FAM110B: variants seen among roughly 807,000 people sequenced by gnomAD.
FAM110B encodes family with sequence similarity 110 member B.
A neutral mutation model predicts 20.4 loss-of-function variants in FAM110B; 6 were observed. The observed-to-expected ratio is 0.29, with a 90% CI of 0.16 to 0.58. FAM110B has a LOEUF of 0.58. Ranked by LOEUF, FAM110B falls within the 20% of genes least tolerant of loss-of-function variation. The probability of loss-of-function intolerance (pLI) is 0.90; values close to 1 mark genes in which losing one functional copy is unlikely to be tolerated. For missense variants in FAM110B, 434 were observed against 498.2 expected, an observed-to-expected ratio of 0.87 and a Z score of 1.23; for synonymous variants, 226 against 214.1, an observed-to-expected ratio of 1.06 and a Z score of -0.49.
chr8:58,021,551 A>G (rs901501757), intron 1 of FAM110B, among the ~76,000 whole-genome samples: 4 of 152,120 alleles, frequency 2.6e-5, no homozygotes, highest in African/African-American at 9.7e-5. Context: ...TACTGTATCA[A>G]TGTTGTTAAA....
chr8:58,118,937 A>G (rs1478071338), intron 3 of FAM110B, among the ~76,000 whole-genome samples: 1 of 152,202 alleles, frequency 6.6e-6, no homozygotes, highest in Non-Finnish European at 1.5e-5. Context: ...TTGCCTACAG[A>G]CATTATTCTT....
intron 3 of FAM110B, among the ~76,000 whole-genome samples, chr8:58,123,626 C>G (rs1807420610): frequency 6.6e-6 from 1 of 152,044 alleles, no homozygotes; most frequent in South Asian, 2.1e-4. Context: ...GTGTATGATG[C>G]TATAATCTTT....
At chr8:58,087,588 C>G (rs949014671) in intron 3 of FAM110B, among the ~76,000 whole-genome samples, 4 of 152,144 alleles carry the variant, frequency 2.6e-5, no homozygotes, top group Non-Finnish European at 4.4e-5. Flanking sequence ...CTTGACCTCT[C>G]TCTCTGGGGC....
intron 1 of FAM110B, among the ~76,000 whole-genome samples, chr8:58,018,582 G>A (rs1316868630): frequency 1.3e-5 from 2 of 151,940 alleles, no homozygotes; most frequent in African/African-American, 4.8e-5. Context: ...TTAACTGAGG[G>A]GTTTAGTCCA....
intron 1 of FAM110B, among the ~76,000 whole-genome samples, chr8:58,010,078 A>G (rs1804497106): frequency 6.6e-6 from 1 of 152,172 alleles, no homozygotes; most frequent in South Asian, 2.1e-4. Flanking sequence ...GTGCAGTGGC[A>G]TGATCTCAGC....
At chr8:57,996,002 T>G (rs1032451801) in intron 1 of FAM110B, among the ~76,000 whole-genome samples, 1 of 152,198 alleles carries the variant, frequency 6.6e-6, no homozygotes, top group Non-Finnish European at 1.5e-5. Context: ...TTTATTATTT[T>G]CCCCCCAGTT....
intron 2 of FAM110B, among the ~76,000 whole-genome samples, chr8:58,045,211 TC>T (rs1805295429): frequency 6.6e-6 from 1 of 152,168 alleles, no homozygotes; most frequent in Admixed American, 6.5e-5. Flanking sequence ...CCTTAACTGT[TC>T]ACAGCAGTGC....
chr8:58,017,565 G>T (rs986533900), intron 1 of FAM110B, among the ~76,000 whole-genome samples: 1 of 152,190 alleles, frequency 6.6e-6, no homozygotes, highest in African/African-American at 2.4e-5. Context: ...GTGGAAGAGG[G>T]TGTGCAGTTT....
rs1210961273 is a variant in FAM110B, at chr8:58,146,328, G to A, written c.98G>A (p.Gly33Glu). The A allele has an allele frequency of 6.2e-7, 1 of 1,613,874 alleles. No individual in the cohort carries two copies. The highest frequency in any genetic ancestry group is 1.7e-5 in the Admixed American group (1 of 60,000). ...GTGCCCCTGCGCATCCTGAACAAGG[G>A]GCCAGACTACTTCCGCAGGCAGGCC... is the stretch of plus-strand genomic sequence containing the variant. Reference protein sequence around the residue: ...SAVPLRILNKGPDYFRRQAEP... With the variant: ...SAVPLRILNKEPDYFRRQAEP... The change falls in exon 4 of 4, where the codon GGG (glycine) becomes GAG (glutamate). Residue 33 changes from glycine to glutamate, a missense_variant. Physicochemically the swap from Gly to Glu is moderately conservative, Grantham distance 98. Coordinates refer to ENST00000519262, the MANE Select transcript of FAM110B (RefSeq NM_001377989.1).
intron 2 of FAM110B, among the ~76,000 whole-genome samples, chr8:58,073,236 A>G (rs1247664601): frequency 6.6e-6 from 1 of 152,224 alleles, no homozygotes; most frequent in Non-Finnish European, 1.5e-5. Context: ...ACTGAGGAAG[A>G]GAAGCAGCTA....
At chr8:57,999,481 T>G (rs1348903213) in intron 1 of FAM110B, among the ~76,000 whole-genome samples, 1 of 152,198 alleles carries the variant, frequency 6.6e-6, no homozygotes, top group Non-Finnish European at 1.5e-5. Context: ...TTAGGAGGAA[T>G]CACATATAGC....
At chr8:58,107,072 G>A (rs544565917) in intron 3 of FAM110B, among the ~76,000 whole-genome samples, 3 of 143,324 alleles carry the variant, frequency 2.1e-5, no homozygotes, top group Admixed American at 1.4e-4. Flanking sequence ...AGGGACTGGC[G>A]GTGGTAAAAA....
At chr8:58,113,009 C>A (rs1807101572) in intron 3 of FAM110B, among the ~76,000 whole-genome samples, 1 of 152,180 alleles carries the variant, frequency 6.6e-6, no homozygotes, top group Admixed American at 6.5e-5. Flanking sequence ...AGATGGACAT[C>A]TTTTCACTGC....
chr8:58,097,251 T>C (rs1585883483), intron 3 of FAM110B, among the ~76,000 whole-genome samples: 1 of 152,342 alleles, frequency 6.6e-6, no homozygotes, highest in East Asian at 1.9e-4. Context: ...CTTTTCATTC[T>C]TTTTTCTCTA....
rs71557704 is a variant in FAM110B, at chr8:58,105,556, A to ATTTTTTTT, written c.-325+29956_-325+29963dup. Among the ~76,000 whole-genome samples the ATTTTTTTT allele has an allele frequency of 1.6e-3, 149 of 94,634 alleles. 10 individuals carry two copies. The highest frequency in any genetic ancestry group is 2.7e-3 in the South Asian group (7 of 2,640). The allele number at this position is 94,634 out of a possible 152,430, so 62.1% of individuals were successfully genotyped here. A position where few individuals can be genotyped will look rare whatever the true frequency, so the allele number is the denominator to read the frequency against. ...TGAAAATGAATGAATGAATGAATGAATTTTTTTTTTTTTTTTTTTTTTTTT... is the reference window on the plus strand; with the variant it reads ...TGAAAATGAATGAATGAATGAATGAATTTTTTTTTTTTTTTTTTTTTTTTTTTTTTTTT... On this transcript the variant is annotated intron_variant, in intron 3 of 3. Coordinates refer to ENST00000519262, the MANE Select transcript of FAM110B (RefSeq NM_001377989.1).
chr8:58,111,771 T>C (rs564955105), intron 3 of FAM110B, among the ~76,000 whole-genome samples: 163 of 152,264 alleles, frequency 1.1e-3, no homozygotes, highest in African/African-American at 3.7e-3. Context: ...AACCCCTCCT[T>C]CTCTGACCAT....
At chr8:58,057,411 C>G (rs1320222596) in intron 2 of FAM110B, among the ~76,000 whole-genome samples, 2 of 152,198 alleles carry the variant, frequency 1.3e-5, no homozygotes, top group Non-Finnish European at 2.9e-5. Flanking sequence ...TAAGGCTGCC[C>G]TTCTGTATTT....
At chr8:58,015,567 C>T (rs913850131) in intron 1 of FAM110B, among the ~76,000 whole-genome samples, 5 of 151,576 alleles carry the variant, frequency 3.3e-5, no homozygotes, top group East Asian at 3.9e-4. Context: ...CATGAGGGGC[C>T]GGGCATGGTG....
chr8:58,117,484 G>A (rs1807243416), intron 3 of FAM110B, among the ~76,000 whole-genome samples: 1 of 152,186 alleles, frequency 6.6e-6, no homozygotes, highest in South Asian at 2.1e-4. Context: ...TTGGCCACAT[G>A]GTAGTCATGA....
Sources: gnomAD v4.1 joint callset for allele counts (sites outside exome capture counted in the v4.1 genomes callset) on GRCh38, gnomAD v4.1.1 for gene constraint, MANE v1.5 for transcripts, NCBI Gene and HGNC (gene_info 2026-07-23, HGNC 2026-07-21) for gene names.